SLC35F3: variants seen among roughly 807,000 people sequenced by gnomAD.
The protein encoded by SLC35F3 is putative thiamine transporter SLC35F3.
A neutral mutation model predicts 49.9 loss-of-function variants in SLC35F3; 25 were observed. The observed-to-expected ratio is 0.50, with a 90% CI of 0.37 to 0.70. SLC35F3 has a LOEUF of 0.70. Among genes scored for constraint, SLC35F3 ranks in the 30% least tolerant of loss-of-function variants. SLC35F3 has a pLI of 0.00. For missense variants in SLC35F3, 525 were observed against 639.8 expected (o/e 0.82, Z 1.94); for synonymous variants, 275 against 265.4 (o/e 1.04, Z -0.35).
intron 2 of SLC35F3, among the ~76,000 whole-genome samples, chr1:233,958,942 T>C (rs1023414689): frequency 1.3e-5 from 2 of 152,174 alleles, no homozygotes; most frequent in African/African-American, 4.8e-5. Flanking sequence ...TTCCAACAAT[T>C]GTTTATATCA....
At chr1:233,992,875 G>T (rs1303892860) in intron 2 of SLC35F3, among the ~76,000 whole-genome samples, 1 of 152,076 alleles carries the variant, frequency 6.6e-6, no homozygotes, top group Non-Finnish European at 1.5e-5. Context: ...ATGGAAAGTG[G>T]GAGGGCAGCC....
intron 2 of SLC35F3, among the ~76,000 whole-genome samples, chr1:234,208,456 C>T (rs1250678292): frequency 1.3e-5 from 2 of 152,068 alleles, no homozygotes; most frequent in East Asian, 3.9e-4. Flanking sequence ...TCAGGTGGGC[C>T]CAACATAGCT....
chr1:234,113,383 G>C (rs1665437246), intron 2 of SLC35F3, among the ~76,000 whole-genome samples: 1 of 152,190 alleles, frequency 6.6e-6, no homozygotes, highest in African/African-American at 2.4e-5. Flanking sequence ...CTCACTACAG[G>C]CTAATACTTA....
Position 233,918,816 on chromosome 1 carries a change from CTATATA to C in SLC35F3, c.283+13072_283+13077del, listed in dbSNP as rs35271968. The stretch of plus-strand genomic sequence containing the variant: ...TCTCTCTTTCTCTCTCTCTCTCTCT[CTATATA>C]TATATATATATATTTGTGTGTTTGT... On this transcript the variant is annotated intron_variant, in intron 2 of 7. Transcript: ENST00000366618. Among the ~76,000 whole-genome samples the C allele has an allele frequency of 2.6e-3, 363 of 140,464 alleles. 3 individuals are homozygous for C. Among genetic ancestry groups the C allele is most frequent in the African/African-American group, 5.7e-3 (198 of 34,624 alleles). The allele number at this position is 140,464 out of a possible 152,430, so 92.1% of individuals were successfully genotyped here. A position where few individuals can be genotyped will look rare whatever the true frequency, so the allele number is the denominator to read the frequency against.
chr1:234,176,719 C>G (rs567169181), intron 2 of SLC35F3, among the ~76,000 whole-genome samples: 4 of 152,284 alleles, frequency 2.6e-5, no homozygotes, highest in African/African-American at 9.6e-5. Flanking sequence ...ATAAAAAATG[C>G]AAGTCCCTGG....
chr1:234,063,832 A>G (rs2102863943), intron 2 of SLC35F3, among the ~76,000 whole-genome samples: 1 of 152,324 alleles, frequency 6.6e-6, no homozygotes, highest in South Asian at 2.1e-4. Flanking sequence ...AGAAAAAGGG[A>G]GCATCCACTT....
intron 2 of SLC35F3, among the ~76,000 whole-genome samples, chr1:234,229,354 A>G (rs1472653134): frequency 6.6e-6 from 1 of 152,168 alleles, no homozygotes; most frequent in South Asian, 2.1e-4. Context: ...GTAATTGTTC[A>G]TATTCCTTTG....
intron 2 of SLC35F3, among the ~76,000 whole-genome samples, chr1:233,983,972 A>T (rs958177577): frequency 6.6e-6 from 1 of 152,216 alleles, no homozygotes; most frequent in Admixed American, 6.5e-5. Flanking sequence ...AACTAGGATT[A>T]TCATACCCAA....
intron 2 of SLC35F3, among the ~76,000 whole-genome samples, chr1:233,930,182 G>A (rs528311061): frequency 8.4e-4 from 128 of 151,710 alleles, no homozygotes; most frequent in African/African-American, 2.9e-3. Flanking sequence ...GAGAGAGAGA[G>A]AAAAACTTTG....
intron 3 of SLC35F3, among the ~76,000 whole-genome samples, chr1:234,249,487 A>G (rs963501710): frequency 6.6e-6 from 1 of 152,124 alleles, no homozygotes; most frequent in African/African-American, 2.4e-5. Flanking sequence ...TTTGGTGGGC[A>G]TGTCGGTGAG....
chr1:234,018,188 A>G (rs1238526727), intron 2 of SLC35F3, among the ~76,000 whole-genome samples: 3 of 152,212 alleles, frequency 2.0e-5, no homozygotes, highest in Non-Finnish European at 4.4e-5. Flanking sequence ...ATAGACATAA[A>G]TTTTAGCAAG....
intron 2 of SLC35F3, among the ~76,000 whole-genome samples, chr1:233,914,330 C>T (rs570839904): frequency 9.2e-5 from 14 of 152,132 alleles, no homozygotes; most frequent in Admixed American, 3.9e-4. Context: ...AAGAAGGCAG[C>T]GGCAGGTGTG....
chr1:233,961,930 A>T (rs1322126591), intron 2 of SLC35F3, among the ~76,000 whole-genome samples: 4 of 152,182 alleles, frequency 2.6e-5, no homozygotes, highest in Non-Finnish European at 5.9e-5. Context: ...GGTTACTGGG[A>T]CAGAAGAACT....
rs1657580375 is a variant in SLC35F3 at position 234,320,082 on chromosome 1, A to ACATTCTTTAT, written c.1148-15_1148-6dup. 1.3e-6 allele frequency: 2 copies of ACATTCTTTAT among 1,552,056 alleles called. No homozygotes were observed. The highest frequency in any genetic ancestry group is 2.7e-5 in the African/African-American group (2 of 73,738). ...CAGTCATGAATAACACTCGTTGTTT[A>ACATTCTTTAT]CATTCTTTATTTCAGCATTCAATAT... On this transcript the variant is annotated splice_polypyrimidine_tract_variant and intron_variant, in intron 6 of 7. Transcript: ENST00000366618. This position sits in a 1 kb window ranked among gnomAD's most constrained non-coding sequence, Gnocchi z 4.8.
intron 2 of SLC35F3, among the ~76,000 whole-genome samples, chr1:234,143,278 C>CTTTTTTTTTTTT (rs1394286794): frequency 7.8e-6 from 1 of 127,446 alleles, no homozygotes; most frequent in African/African-American, 3.2e-5. Flanking sequence ...TGACTCTTTT[C>CTTTTTTTTTTTT]TTTTCTTTTC....
chr1:234,003,348 G>T (rs1663581314), intron 2 of SLC35F3, among the ~76,000 whole-genome samples: 1 of 152,166 alleles, frequency 6.6e-6, no homozygotes, highest in African/African-American at 2.4e-5. Flanking sequence ...GTCAGTGGAA[G>T]AGCAGAGGAC....
intron 2 of SLC35F3, among the ~76,000 whole-genome samples, chr1:234,185,074 A>G (rs995808884): frequency 2.6e-5 from 4 of 152,232 alleles, no homozygotes; most frequent in Non-Finnish European, 4.4e-5. Flanking sequence ...AATGTTATGA[A>G]TCTAAACAAT....
rs142237513 is a variant in SLC35F3, at chr1:234,156,238, G to GTAA, written c.284-75176_284-75174dup. Among the ~76,000 whole-genome samples the GTAA allele has an allele frequency of 7.3e-3, 1,106 of 152,300 alleles. 19 individuals are homozygous for GTAA. Among genetic ancestry groups the GTAA allele is most frequent in the African/African-American group, 0.025 (1,048 of 41,566 alleles). Reference sequence around the variant, plus strand: ...GGATTGGAAAAGATTAAAAAGAACAGTAATACTCGGAGTCTGGGAGAATGT... The same window carrying GTAA: ...GGATTGGAAAAGATTAAAAAGAACAGTAATAATACTCGGAGTCTGGGAGAATGT... On this transcript the variant is annotated intron_variant, in intron 2 of 7. Coordinates refer to ENST00000366618, the MANE Select transcript of SLC35F3 (RefSeq NM_173508.4).
At chr1:233,993,009 A>G (rs1392547061) in intron 2 of SLC35F3, among the ~76,000 whole-genome samples, 1 of 152,146 alleles carries the variant, frequency 6.6e-6, no homozygotes, top group African/African-American at 2.4e-5. Context: ...TGTCATTTGA[A>G]TGTACTTGAA....
Sources: gnomAD v4.1 joint callset for allele counts (sites outside exome capture counted in the v4.1 genomes callset) on GRCh38, gnomAD v4.1.1 for gene constraint, Gnocchi (gnomAD v3.1) non-coding constraint, MANE v1.5 for transcripts, NCBI Gene and HGNC (gene_info 2026-07-23, HGNC 2026-07-21) for gene names.